The following INPP4B variants were observed in gnomAD, a reference collection of about 807,000 sequenced individuals.
INPP4B encodes inositol polyphosphate-4-phosphatase type II B, also known as inositol polyphosphate 4-phosphatase type II.
Under a neutral mutation model 122.5 loss-of-function variants are expected in INPP4B, and 55 were observed. The observed-to-expected ratio is 0.45, with a 90% CI of 0.36 to 0.56. The LOEUF is 0.56. Among genes scored for constraint, INPP4B ranks in the 20% least tolerant of loss-of-function variants. INPP4B has a pLI of 0.00. For missense variants in INPP4B, 1,000 were observed against 1,097.7 expected (o/e 0.91, Z 1.26); for synonymous variants, 403 against 388.7 (o/e 1.04, Z -0.43).
chr4:142,447,847 G>A (rs1813242143), intron 3 of INPP4B, among the ~76,000 whole-genome samples: 1 of 152,134 alleles, frequency 6.6e-6, no homozygotes, highest in Non-Finnish European at 1.5e-5. Context: ...CTGCCTACAT[G>A]AGAGGAGGCA....
intron 2 of INPP4B, among the ~76,000 whole-genome samples, chr4:142,687,390 A>G (rs949458669): frequency 2.6e-5 from 4 of 152,088 alleles, no homozygotes; most frequent in Admixed American, 6.6e-5. Context: ...AGGTAACTAA[A>G]TAAGGGTCTG....
intron 10 of INPP4B, among the ~76,000 whole-genome samples, chr4:142,261,987 G>A (rs138491472): frequency 0.019 from 2,913 of 152,094 alleles, 34 homozygotes; most frequent in Non-Finnish European, 0.03. Context: ...TGACCACCCC[G>A]AAGTCAGAGG....
At chr4:142,111,500 C>T (rs1329666983) in intron 22 of INPP4B, among the ~76,000 whole-genome samples, 1 of 152,014 alleles carries the variant, frequency 6.6e-6, no homozygotes, top group East Asian at 1.9e-4. Flanking sequence ...GCACCCGCCA[C>T]TATGCCCAGC....
At chr4:142,168,930 C>T (rs1824181038) in intron 16 of INPP4B, among the ~76,000 whole-genome samples, 2 of 151,456 alleles carry the variant, frequency 1.3e-5, no homozygotes, top group Non-Finnish European at 1.5e-5. Context: ...AGGAACTGCC[C>T]TAGGAAGAAA....
chr4:142,801,082 T>G (rs1256493377), intron 1 of INPP4B, among the ~76,000 whole-genome samples: 2 of 150,806 alleles, frequency 1.3e-5, no homozygotes, highest in Non-Finnish European at 3.0e-5. Context: ...CATAGCAGAT[T>G]AAAGTAGTGA....
At chr4:142,524,345 C>T (rs1826541418) in intron 2 of INPP4B, among the ~76,000 whole-genome samples, 1 of 152,082 alleles carries the variant, frequency 6.6e-6, no homozygotes, top group South Asian at 2.1e-4. Context: ...TAATGATTGC[C>T]ATTCTAACTG....
At chr4:142,180,508 C>G (rs1579193134) in intron 15 of INPP4B, among the ~76,000 whole-genome samples, 1 of 152,090 alleles carries the variant, frequency 6.6e-6, no homozygotes, top group South Asian at 2.1e-4. Context: ...ATGGGCCTAG[C>G]ATTACGTTAA....
chr4:142,779,982 G>T (rs1261162239), intron 1 of INPP4B, among the ~76,000 whole-genome samples: 1 of 152,044 alleles, frequency 6.6e-6, no homozygotes, highest in Non-Finnish European at 1.5e-5. Context: ...AGATAATAAG[G>T]CTGCAGCAGA....
At chr4:142,592,714 A>G (rs1407115899) in intron 2 of INPP4B, among the ~76,000 whole-genome samples, 2 of 152,212 alleles carry the variant, frequency 1.3e-5, no homozygotes, top group Admixed American at 1.3e-4. Context: ...AGTGTGGAAA[A>G]GTAATTCAAG....
At chr4:142,515,037 C>G (rs1476724281) in intron 2 of INPP4B, among the ~76,000 whole-genome samples, 2 of 151,906 alleles carry the variant, frequency 1.3e-5, no homozygotes, top group African/African-American at 2.4e-5. Context: ...CTCAGGAAAT[C>G]TGCATGCCTC....
chr4:142,089,262 G>A (rs1390459665), intron 23 of INPP4B, among the ~76,000 whole-genome samples: 5 of 152,076 alleles, frequency 3.3e-5, no homozygotes, highest in African/African-American at 1.2e-4. Flanking sequence ...CTGAAGTCAG[G>A]CTTGTACAAA....
At chr4:142,661,031 C>G (rs1199072025) in intron 2 of INPP4B, 2 of 152,282 alleles carry the variant, frequency 1.3e-5, no homozygotes, top group Non-Finnish European at 2.9e-5. Flanking sequence ...GCAGCCTGCG[C>G]ACTGGGGTGG....
At chr4:142,394,066 T>G (rs1798563416) in intron 7 of INPP4B, among the ~76,000 whole-genome samples, 1 of 152,252 alleles carries the variant, frequency 6.6e-6, no homozygotes, top group Non-Finnish European at 1.5e-5. Flanking sequence ...CATAGTGTTT[T>G]TCTCTGTAAT....
chr4:142,208,864 A>G, intron 13 of INPP4B, 32 bp downstream of exon 13: 1 of 1,442,278 alleles, frequency 6.9e-7, no homozygotes. Context: ...AATGCAATTC[A>G]CTTTGAGTAA....
At chr4:142,116,693 C>A (rs994148787) in intron 21 of INPP4B, among the ~76,000 whole-genome samples, 6 of 152,000 alleles carry the variant, frequency 3.9e-5, no homozygotes, top group African/African-American at 1.2e-4. Context: ...GCAACAAATG[C>A]CCAAAAGAGA....
chr4:142,616,534 AT>A (rs1743739260), intron 2 of INPP4B, among the ~76,000 whole-genome samples: 1 of 152,124 alleles, frequency 6.6e-6, no homozygotes, highest in Non-Finnish European at 1.5e-5. Flanking sequence ...TTGGGGAATT[AT>A]TTTTGTACCC....
intron 2 of INPP4B, among the ~76,000 whole-genome samples, chr4:142,591,649 G>A (rs554468498): frequency 2.0e-5 from 3 of 152,210 alleles, no homozygotes; most frequent in African/African-American, 7.2e-5. Flanking sequence ...AAATTTACAT[G>A]GGAGGTCCTG....
At chr4:142,730,578 C>A (rs1268123238) in intron 1 of INPP4B, among the ~76,000 whole-genome samples, 1 of 152,192 alleles carries the variant, frequency 6.6e-6, no homozygotes, top group Non-Finnish European at 1.5e-5. Context: ...GCTTTAATGA[C>A]AACTTCTCCA....
At chr4:142,564,477 A>C (rs1165299366) in intron 2 of INPP4B, among the ~76,000 whole-genome samples, 1 of 149,754 alleles carries the variant, frequency 6.7e-6, no homozygotes, top group Non-Finnish European at 1.5e-5. Flanking sequence ...GAAAGAAAGA[A>C]AAAAAAGAAA....
Sources: allele counts gnomAD v4.1 joint callset (sites outside exome capture counted in the v4.1 genomes callset), GRCh38; gene constraint gnomAD v4.1.1; transcripts MANE v1.5; gene names NCBI Gene and HGNC (gene_info 2026-07-23, HGNC 2026-07-21).